CCDC47: variants seen among roughly 807,000 people sequenced by gnomAD.
CCDC47 encodes the protein coiled-coil domain containing 47.
CCDC47 carries 41 observed loss-of-function variants against 60.5 expected under a neutral mutation model. The observed-to-expected ratio is 0.68, with a 90% CI of 0.53 to 0.88. The LOEUF (loss-of-function observed/expected upper bound fraction) is 0.88. Ranked by LOEUF, CCDC47 falls within the 40% of genes least tolerant of loss-of-function variation. The probability of loss-of-function intolerance (pLI) is 0.00; values close to 1 mark genes in which losing one functional copy is unlikely to be tolerated. For synonymous variants in CCDC47, 195 were observed against 190.7 expected (o/e 1.02, Z -0.18); for missense variants, 513 against 580.9 (o/e 0.88, Z 1.20).
chr17:63,749,288 A>G (rs894108498), intron 12 of CCDC47, among the ~76,000 whole-genome samples: 3 of 151,766 alleles, frequency 2.0e-5, no homozygotes, highest in Admixed American at 1.3e-4. Context: ...GGCACCTGTA[A>G]TCCCAGCTGA....
intron 10 of CCDC47, 123 bp downstream of exon 10, chr17:63,752,618 G>T: frequency 9.8e-7 from 1 of 1,021,168 alleles, no homozygotes; most frequent in African/African-American, 1.6e-5. Context: ...CTGGAAATCA[G>T]TAAGCAAGCA....
At chr17:63,761,401 GC>G (rs2039259236) in intron 4 of CCDC47, 50 bp from the exon 5 acceptor site, 1 of 1,609,304 alleles carries the variant, frequency 6.2e-7, no homozygotes. Flanking sequence ...TCAAGGCCGG[GC>G]CGGGGGTGGT....
At chr17:63,760,336 C>G (rs909741516) in intron 6 of CCDC47, among the ~76,000 whole-genome samples, 16 of 152,164 alleles carry the variant, frequency 1.1e-4, no homozygotes, top group African/African-American at 3.9e-4. Context: ...GCTTTGCCCT[C>G]TATTGTCAAG....
chr17:63,761,970 TA>T (rs1449732413), intron 4 of CCDC47: 8 of 753,318 alleles, frequency 1.1e-5, no homozygotes, highest in Non-Finnish European at 1.3e-5. Flanking sequence ...TCAGTTGAAA[TA>T]TCTCTGCCAA....
intron 1 of CCDC47, among the ~76,000 whole-genome samples, chr17:63,766,443 G>T: frequency 6.6e-6 from 1 of 151,758 alleles, no homozygotes; most frequent in East Asian, 1.9e-4. Context: ...TTTTTTTTGA[G>T]ACGGAGTTTT....
At chr17:63,767,343 C>G (rs1380432160) in intron 1 of CCDC47, among the ~76,000 whole-genome samples, 1 of 152,000 alleles carries the variant, frequency 6.6e-6, no homozygotes, top group African/African-American at 2.4e-5. Flanking sequence ...ATTAAGTTTT[C>G]TAATACGTGA....
chr17:63,754,532 A>C lies in CCDC47; in HGVS notation c.949-14T>G. On this transcript the variant is annotated splice_polypyrimidine_tract_variant and intron_variant, in intron 8 of 12. Coordinates refer to ENST00000225726, the MANE Select transcript of CCDC47 (RefSeq NM_020198.3). ...AAAGTGAACCATCTGAAAAAAAGAA[A>C]ATAATATTTTTTAAAAGCAAGGTTT... The C allele has an allele frequency of 2.6e-6, 4 of 1,547,024 alleles. No homozygotes were observed. The highest frequency in any genetic ancestry group is 3.5e-6 in the Non-Finnish European group (4 of 1,132,088).
intron 10 of CCDC47, 68 bp downstream of exon 10, chr17:63,752,673 G>A (rs2039176102): frequency 6.8e-7 from 1 of 1,475,150 alleles, no homozygotes; most frequent in South Asian, 1.3e-5. Flanking sequence ...CATTTAGGAG[G>A]AAACAATACT....
intron 12 of CCDC47, among the ~76,000 whole-genome samples, chr17:63,748,784 G>C (rs1669706284): frequency 6.6e-6 from 1 of 151,950 alleles, no homozygotes; most frequent in Non-Finnish European, 1.5e-5. Flanking sequence ...GGCTGAGGTG[G>C]GTGGATTACT....
In CCDC47 at chr17:63,746,700, C is replaced by G. The variant is rs929634002; in HGVS notation, c.*181G>C. 17 of 468,164 alleles carry G rather than the reference C, an allele frequency of 3.6e-5. No individual in the cohort carries two copies. In the South Asian group the frequency reaches 6.9e-4, roughly 19 times the overall value. 29.0% of individuals were successfully genotyped at this position (468,164 alleles called of 1,614,324 possible). A position where few individuals can be genotyped will look rare whatever the true frequency, so the allele number is the denominator to read the frequency against. The stretch of plus-strand genomic sequence containing the variant: ...AAAAATTCTTGAAACAGAGCCCTTT[C>G]CAGGTATCTTCAATCTCTGTAAAAC... On this transcript the variant is annotated 3_prime_UTR_variant, in exon 13 of 13. Transcript: ENST00000225726.
At chr17:63,764,559 T>G (rs990253935) in intron 3 of CCDC47, among the ~76,000 whole-genome samples, 181 bp downstream of exon 3, 1 of 151,948 alleles carries the variant, frequency 6.6e-6, no homozygotes, top group Non-Finnish European at 1.5e-5. Context: ...CTTCTGTAGG[T>G]GTTGATTTTT....
At position 63,748,157 on chromosome 17, in the gene CCDC47, G is replaced by GT. The variant is rs1198742989; in HGVS notation, c.1372-1197dup. On this transcript the variant is annotated intron_variant, in intron 12 of 12. Transcript: ENST00000225726. ...GGCGTGAGCCAATGTGCCTGGCCAGGTTTTTTTTTTTGTTTGTGTTTGTTT... is the reference window on the plus strand; with the variant it reads ...GGCGTGAGCCAATGTGCCTGGCCAGGTTTTTTTTTTTTGTTTGTGTTTGTTT... 6.8e-3 allele frequency among the ~76,000 whole-genome samples: 989 copies of GT among 146,200 alleles called. 7 individuals are homozygous for GT. Among genetic ancestry groups the GT allele is most frequent in the African/African-American group, 0.014 (544 of 40,156 alleles).
intron 9 of CCDC47, among the ~76,000 whole-genome samples, chr17:63,754,144 G>C (rs1199650198): frequency 6.6e-6 from 1 of 151,738 alleles, no homozygotes; most frequent in African/African-American, 2.4e-5. Flanking sequence ...AAAACCCACT[G>C]CATTTTATTA....
intron 1 of CCDC47, among the ~76,000 whole-genome samples, chr17:63,771,525 A>G (rs1184629442): frequency 6.6e-6 from 1 of 152,156 alleles, no homozygotes; most frequent in Non-Finnish European, 1.5e-5. Context: ...GCCAGCCTCA[A>G]AGAGGTATGG....
At chr17:63,765,826 G>T in intron 2 of CCDC47, 86 bp downstream of exon 2, 6 of 1,430,474 alleles carry the variant, frequency 4.2e-6, no homozygotes, top group Non-Finnish European at 4.7e-6. Context: ...GACAGTAAAG[G>T]TCTCTTGAGC....
chr17:63,768,365 T>A (rs542854713), intron 1 of CCDC47, among the ~76,000 whole-genome samples: 2 of 149,432 alleles, frequency 1.3e-5, no homozygotes, highest in Non-Finnish European at 2.9e-5. Context: ...AAACTATGGA[T>A]GTATCAAAAA....
chr17:63,751,746 A>T (rs1180537449), intron 12 of CCDC47, 194 bp downstream of exon 12: 4 of 656,044 alleles, frequency 6.1e-6, no homozygotes, highest in Non-Finnish European at 1.1e-5. Context: ...TTTCACGTTC[A>T]CAGACTCAGT....
chr17:63,770,768 C>T (rs112434406), intron 1 of CCDC47, among the ~76,000 whole-genome samples: 52 of 151,668 alleles, frequency 3.4e-4, no homozygotes, highest in African/African-American at 1.2e-3. Flanking sequence ...GGCAGATCAG[C>T]GGAGGTCAGG....
At chr17:63,748,168 T>G (rs191355493) in intron 12 of CCDC47, among the ~76,000 whole-genome samples, 44 of 151,958 alleles carry the variant, frequency 2.9e-4, no homozygotes, top group Non-Finnish European at 4.7e-4. Context: ...TTTTTTTTTT[T>G]GTTTGTGTTT....
Sources: gnomAD v4.1 joint callset for allele counts (sites outside exome capture counted in the v4.1 genomes callset) on GRCh38, gnomAD v4.1.1 for gene constraint, MANE v1.5 for transcripts, NCBI Gene and HGNC (gene_info 2026-07-23, HGNC 2026-07-21) for gene names.